FSIP1: variants seen among roughly 807,000 people sequenced by gnomAD.
FSIP1 encodes fibrous sheath interacting protein 1, also known as fibrous sheath-interacting protein 1.
A neutral mutation model predicts 60.9 loss-of-function variants in FSIP1; 65 were observed. That is an observed-to-expected ratio of 1.07 (90% confidence interval 0.87 to 1.31). The LOEUF is 1.31. Ranked by LOEUF, FSIP1 falls within the 40% of genes most tolerant of loss-of-function variation. The pLI, the probability that FSIP1 is intolerant of heterozygous loss-of-function variation, is 0.00. For synonymous variants in FSIP1, 209 were observed against 221.2 expected, an observed-to-expected ratio of 0.94 and a Z score of 0.49; for missense variants, 675 against 665.5, an observed-to-expected ratio of 1.01 and a Z score of -0.16.
In FSIP1 at chr15:39,632,703, G is replaced by A. The variant is rs529853504; in HGVS notation, c.1189-14458C>T. ...AGCTACTCAGGAGTCTGAGGCAGGA[G>A]AATCGCTTGAACCAGGGAGTCAGAG... On this transcript the variant is annotated intron_variant, in intron 10 of 11. Coordinates refer to ENST00000350221, the MANE Select transcript of FSIP1 (RefSeq NM_152597.5). Among the ~76,000 whole-genome samples, 8 of 152,240 alleles carry A rather than the reference G, an allele frequency of 5.3e-5. No individual in the cohort carries two copies. The South Asian group carries it at 1.7e-3, about 32-fold the overall frequency.
intron 11 of FSIP1, among the ~76,000 whole-genome samples, chr15:39,609,768 G>T (rs992071870): frequency 1.3e-5 from 2 of 152,208 alleles, no homozygotes; most frequent in Non-Finnish European, 2.9e-5. Context: ...TGCAATCAGA[G>T]GCTATTACAG....
At chr15:39,713,981 G>T (rs927717765) in intron 9 of FSIP1, among the ~76,000 whole-genome samples, 2 of 152,210 alleles carry the variant, frequency 1.3e-5, no homozygotes, top group East Asian at 3.8e-4. Context: ...AAGCAGCTGT[G>T]TAATAATGGG....
chr15:39,663,553 A>T (rs1321109007), intron 10 of FSIP1, among the ~76,000 whole-genome samples: 1 of 152,170 alleles, frequency 6.6e-6, no homozygotes, highest in Non-Finnish European at 1.5e-5. Flanking sequence ...AGTTATATTC[A>T]AATCAAAACA....
chr15:39,748,012 C>G (rs1456801838), intron 5 of FSIP1, among the ~76,000 whole-genome samples: 1 of 152,140 alleles, frequency 6.6e-6, no homozygotes, highest in Non-Finnish European at 1.5e-5. Context: ...TGTGGAGCAT[C>G]CTTCACTGCC....
intron 10 of FSIP1, among the ~76,000 whole-genome samples, chr15:39,644,916 C>A (rs1892530570): frequency 6.6e-6 from 1 of 152,170 alleles, no homozygotes; most frequent in Non-Finnish European, 1.5e-5. Flanking sequence ...TATAAGTGAG[C>A]TGAACAATCA....
chr15:39,636,886 G>C lies in FSIP1; in HGVS notation c.1189-18641C>G, dbSNP rs116206900. On this transcript the variant is annotated intron_variant, in intron 10 of 11. Coordinates refer to ENST00000350221, the MANE Select transcript of FSIP1 (RefSeq NM_152597.5). ...TATTTTTCAATCCATCCTTAGGTAA[G>C]AATATTTAGGAATCTGAGCTTATAT... is the stretch of plus-strand genomic sequence containing the variant. 4.1e-3 allele frequency among the ~76,000 whole-genome samples: 621 copies of C among 152,258 alleles called. 3 individuals carry two copies. Among genetic ancestry groups the C allele is most frequent in the African/African-American group, 0.014 (584 of 41,540 alleles).
chr15:39,738,863 C>T (rs1393682234), intron 7 of FSIP1, among the ~76,000 whole-genome samples: 1 of 152,284 alleles, frequency 6.6e-6, no homozygotes, highest in African/African-American at 2.4e-5. Flanking sequence ...CAGGCTGCCC[C>T]ACGAATCCAG....
intron 10 of FSIP1, among the ~76,000 whole-genome samples, chr15:39,663,327 A>C (rs1284189487): frequency 1.3e-5 from 2 of 152,160 alleles, no homozygotes; most frequent in Non-Finnish European, 2.9e-5. Context: ...TTGATATCAC[A>C]AGGGAAGAAA....
rs1162404626 is a variant in FSIP1, at chr15:39,698,914, T to C, written c.1188+14530A>G. ...ACCTGCCTGGCATAACCAAGGTTGG[T>C]TTATTTTCCAACTTAAGAAATTGGT... On this transcript the variant is annotated intron_variant, in intron 10 of 11. Coordinates refer to ENST00000350221, the MANE Select transcript of FSIP1 (RefSeq NM_152597.5). Among the ~76,000 whole-genome samples, 5 of 152,290 alleles carry C rather than the reference T, an allele frequency of 3.3e-5. No individual in the cohort carries two copies. The East Asian group carries it at 9.6e-4, about 29-fold the overall frequency.
At chr15:39,630,322 G>A (rs959187756) in intron 10 of FSIP1, among the ~76,000 whole-genome samples, 1 of 152,188 alleles carries the variant, frequency 6.6e-6, no homozygotes, top group Non-Finnish European at 1.5e-5. Flanking sequence ...AAAAAGCTGT[G>A]TAGTGAACTG....
At chr15:39,660,275 G>T (rs1893246310) in intron 10 of FSIP1, among the ~76,000 whole-genome samples, 1 of 152,158 alleles carries the variant, frequency 6.6e-6, no homozygotes, top group Non-Finnish European at 1.5e-5. Flanking sequence ...CCCATGCCTA[G>T]AGAGAGGAAG....
chr15:39,661,004 G>A (rs1420264150), intron 10 of FSIP1, among the ~76,000 whole-genome samples: 1 of 152,240 alleles, frequency 6.6e-6, no homozygotes, highest in African/African-American at 2.4e-5. Context: ...GGAGGTTTCA[G>A]TGAGCCAAGA....
chr15:39,770,606 T>C lies in FSIP1; in HGVS notation c.131A>G (p.Asp44Gly). 3 of 1,495,914 alleles carry C rather than the reference T, an allele frequency of 2.0e-6. No homozygotes were observed. The highest frequency in any genetic ancestry group is 2.7e-6 in the Non-Finnish European group (3 of 1,122,732). The allele number at this position is 1,495,914 out of a possible 1,614,324, so 92.7% of individuals were successfully genotyped here. A position where few individuals can be genotyped will look rare whatever the true frequency, so the allele number is the denominator to read the frequency against. ...LSTEPGSFKV[D>G]TASNLNSGKE... ...ACCAGAGTTCAAGTTGCTTGCAGTA[T>C]CGACCTAAAAATAATTTCAAAAAAA... is the stretch of plus-strand genomic sequence containing the variant. The change falls in exon 3 of 12, where the codon GAT (aspartate) becomes GGT (glycine). Residue 44 changes from aspartate to glycine, a missense_variant. Asp to Gly is a moderately conservative substitution (Grantham distance 94). Coordinates refer to ENST00000350221, the MANE Select transcript of FSIP1 (RefSeq NM_152597.5).
At chr15:39,753,807 A>G (rs1897232229) in intron 5 of FSIP1, among the ~76,000 whole-genome samples, 1 of 152,038 alleles carries the variant, frequency 6.6e-6, no homozygotes, top group Non-Finnish European at 1.5e-5. Flanking sequence ...TAATAAGATA[A>G]TTTAGTTAAA....
intron 10 of FSIP1, among the ~76,000 whole-genome samples, chr15:39,682,148 A>T (rs1894190305): frequency 6.6e-6 from 1 of 152,202 alleles, no homozygotes. Flanking sequence ...TCTCCTTTAT[A>T]CAAATGATAT....
intron 10 of FSIP1, among the ~76,000 whole-genome samples, chr15:39,668,712 C>G (rs753747824): frequency 6.6e-6 from 1 of 152,180 alleles, no homozygotes; most frequent in Non-Finnish European, 1.5e-5. Context: ...GAGATCAGGT[C>G]AGTTGGAATC....
At chr15:39,778,387 A>C (rs1359410001) in intron 1 of FSIP1, among the ~76,000 whole-genome samples, 1 of 152,244 alleles carries the variant, frequency 6.6e-6, no homozygotes, top group Non-Finnish European at 1.5e-5. Context: ...TTGCTCTAGA[A>C]ATAGGTCTGT....
At chr15:39,696,118 T>C (rs1293776847) in intron 10 of FSIP1, among the ~76,000 whole-genome samples, 1 of 152,180 alleles carries the variant, frequency 6.6e-6, no homozygotes, top group African/African-American at 2.4e-5. Flanking sequence ...ACCCAGCATA[T>C]ATTTCTCACA....
At chr15:39,641,319 C>G (rs187810812) in intron 10 of FSIP1, among the ~76,000 whole-genome samples, 9 of 152,124 alleles carry the variant, frequency 5.9e-5, no homozygotes, top group Admixed American at 2.0e-4. Flanking sequence ...TATTACCCAC[C>G]ACTAGAGCAC....
Sources: gnomAD v4.1 joint callset for allele counts (sites outside exome capture counted in the v4.1 genomes callset) on GRCh38, gnomAD v4.1.1 for gene constraint, MANE v1.5 for transcripts, NCBI Gene and HGNC (gene_info 2026-07-23, HGNC 2026-07-21) for gene names.